The following HECW1 variants were observed in gnomAD, a reference collection of about 807,000 sequenced individuals.
The protein encoded by HECW1 is HECT, C2 and WW domain containing E3 ubiquitin protein ligase 1, also known as E3 ubiquitin-protein ligase HECW1.
Under a neutral mutation model 182.3 loss-of-function variants are expected in HECW1, and 61 were observed. The ratio of observed to expected loss-of-function variants is 0.33; its 90% CI spans 0.27 to 0.41. HECW1 has a LOEUF of 0.41. Ranked by LOEUF, HECW1 falls within the 10% of genes least tolerant of loss-of-function variation. HECW1 has a pLI of 1.00. For missense variants in HECW1, 1,739 were observed against 2,108.9 expected (o/e 0.82, Z 3.44); for synonymous variants, 859 against 832.6 (o/e 1.03, Z -0.55).
intron 2 of HECW1, among the ~76,000 whole-genome samples, chr7:43,120,944 G>A (rs1470745528): frequency 1.3e-5 from 2 of 152,096 alleles, no homozygotes; most frequent in South Asian, 2.1e-4. Context: ...GAGCCACCAC[G>A]CCTGGGCAGA....
chr7:43,396,705 C>T (rs374450219), intron 6 of HECW1, 109 bp from the exon 7 acceptor site: 9 of 717,730 alleles, frequency 1.3e-5, no homozygotes, highest in Admixed American at 8.6e-5. Flanking sequence ...TCACTGTCTT[C>T]GTTGCCTGTA....
intron 3 of HECW1, among the ~76,000 whole-genome samples, chr7:43,308,424 C>A (rs56406648): frequency 0.061 from 8,802 of 143,682 alleles, 332 homozygotes; most frequent in Middle Eastern, 0.086. Context: ...AAAAGTCATA[C>A]AATTTTATTT....
intron 5 of HECW1, among the ~76,000 whole-genome samples, chr7:43,326,719 A>T (rs972401123): frequency 2.6e-5 from 4 of 152,250 alleles, no homozygotes; most frequent in African/African-American, 9.6e-5. Context: ...GACAATTGAG[A>T]CATGAATGGC....
chr7:43,347,211 C>T (rs1813797173), intron 5 of HECW1, among the ~76,000 whole-genome samples: 1 of 151,822 alleles, frequency 6.6e-6, no homozygotes, highest in African/African-American at 2.4e-5. Context: ...CTTTCAACTC[C>T]TTGGTTAGGT....
At position 43,243,682 on chromosome 7, in the gene HECW1, T is replaced by C. The variant is rs1437082736; in HGVS notation, c.-31-193T>C. ...TCAAATTACTTATGGCACAGAATAATGTTGCTTGCAACTTTTTATCCACTT... is the reference window on the plus strand; with the variant it reads ...TCAAATTACTTATGGCACAGAATAACGTTGCTTGCAACTTTTTATCCACTT... On this transcript the variant is annotated intron_variant, in intron 2 of 29. Transcript: ENST00000395891. This position sits in a 1 kb window ranked among gnomAD's most constrained non-coding sequence, Gnocchi z 4.0. Among the ~76,000 whole-genome samples the C allele has an allele frequency of 6.6e-6, 1 of 152,222 alleles. No homozygotes were observed. Among genetic ancestry groups the C allele is most frequent in the Non-Finnish European group, 1.5e-5 (1 of 68,042 alleles).
chr7:43,330,291 G>C (rs149392758), intron 5 of HECW1, among the ~76,000 whole-genome samples: 5 of 152,242 alleles, frequency 3.3e-5, no homozygotes, highest in Admixed American at 6.5e-5. Flanking sequence ...CTGGCTAGCT[G>C]TGTTCGGGGC....
intron 8 of HECW1, among the ~76,000 whole-genome samples, chr7:43,435,479 C>T (rs769791957): frequency 3.9e-5 from 6 of 152,164 alleles, no homozygotes; most frequent in Non-Finnish European, 7.3e-5. Context: ...AGCAATCAGA[C>T]GTACCACATG....
chr7:43,202,716 C>T (rs990139531), intron 2 of HECW1, among the ~76,000 whole-genome samples: 5 of 152,172 alleles, frequency 3.3e-5, no homozygotes, highest in African/African-American at 1.2e-4. Context: ...CAGTGTCAGG[C>T]CTCTGAGCCC....
At chr7:43,177,155 T>G (rs1792341320) in intron 2 of HECW1, among the ~76,000 whole-genome samples, 2 of 152,196 alleles carry the variant, frequency 1.3e-5, no homozygotes, top group Admixed American at 1.3e-4. Flanking sequence ...TTGGAACTAT[T>G]ACTCTAGAAA....
At position 43,442,574 on chromosome 7, in the gene HECW1, T is replaced by A. The variant is rs745330703; in HGVS notation, c.990T>A (p.Asp330Glu). ...SYTLGRRLPT[D>E]HVSGQLQFRF... ...CACTTGGCCGCAGGCTTCCAACAGA[T>A]CATGTGAGTGGACAGCTGCAATTCC... is the stretch of plus-strand genomic sequence containing the variant. The change falls in exon 10 of 30, where the codon GAT becomes GAA. Residue 330 changes from aspartate to glutamate, a missense_variant. Coordinates refer to ENST00000395891, the MANE Select transcript of HECW1 (RefSeq NM_015052.5). The A allele has an allele frequency of 8.7e-6, 14 of 1,613,886 alleles. No individual in the cohort carries two copies. Among genetic ancestry groups the A allele is most frequent in the Admixed American group, 6.7e-5 (4 of 59,976 alleles).
chr7:43,475,135 C>T (rs556142396), intron 16 of HECW1, among the ~76,000 whole-genome samples: 3 of 152,130 alleles, frequency 2.0e-5, no homozygotes, highest in South Asian at 4.1e-4. Flanking sequence ...TATTGTTTTA[C>T]GTATATTTTG....
intron 5 of HECW1, among the ~76,000 whole-genome samples, chr7:43,328,547 C>T (rs1811079167): frequency 6.6e-6 from 1 of 152,190 alleles, no homozygotes; most frequent in Non-Finnish European, 1.5e-5. Context: ...GAGGGCCCAG[C>T]CCACGTGGGA....
chr7:43,482,053 T>G (rs1239882314), intron 17 of HECW1, among the ~76,000 whole-genome samples: 2 of 151,690 alleles, frequency 1.3e-5, no homozygotes, highest in African/African-American at 4.8e-5. Flanking sequence ...ACCAGCCATC[T>G]GTCTGCTTCC....
intron 7 of HECW1, among the ~76,000 whole-genome samples, chr7:43,399,338 T>C (rs988621843): frequency 1.3e-5 from 2 of 152,254 alleles, no homozygotes; most frequent in East Asian, 1.9e-4. Context: ...GTCTCAGTTA[T>C]AATTTTGCAG....
intron 2 of HECW1, among the ~76,000 whole-genome samples, chr7:43,156,970 G>A (rs887557989): frequency 6.6e-6 from 1 of 152,220 alleles, no homozygotes. Context: ...ATCAGATTAA[G>A]TCAATGAGAT....
At chr7:43,473,625 T>TA (rs955096579) in intron 16 of HECW1, among the ~76,000 whole-genome samples, 42 of 134,720 alleles carry the variant, frequency 3.1e-4, no homozygotes, top group South Asian at 2.8e-3. Context: ...CAGACTGGAA[T>TA]AAAAAAAAAA....
At chr7:43,231,352 G>A (rs572758697) in intron 2 of HECW1, among the ~76,000 whole-genome samples, 47 of 152,280 alleles carry the variant, frequency 3.1e-4, no homozygotes, top group African/African-American at 1.1e-3. Context: ...TTCACATGAC[G>A]TGGATTCACT....
At chr7:43,290,306 T>G (rs1024882680) in intron 3 of HECW1, among the ~76,000 whole-genome samples, 4 of 152,240 alleles carry the variant, frequency 2.6e-5, no homozygotes, top group African/African-American at 9.6e-5. Context: ...CACAGTCAGT[T>G]TGGAAAGTAA....
intron 5 of HECW1, among the ~76,000 whole-genome samples, chr7:43,331,312 C>G (rs972170708): frequency 6.6e-6 from 1 of 152,068 alleles, no homozygotes; most frequent in African/African-American, 2.4e-5. Flanking sequence ...GGGGTGGGGC[C>G]AGGCACAGTG....
Sources: allele counts gnomAD v4.1 joint callset (sites outside exome capture counted in the v4.1 genomes callset), GRCh38; gene constraint gnomAD v4.1.1; non-coding constraint Gnocchi (gnomAD v3.1); transcripts MANE v1.5; gene names NCBI Gene and HGNC (gene_info 2026-07-23, HGNC 2026-07-21).